CDH23: variants seen among roughly 807,000 people sequenced by gnomAD.
The protein encoded by CDH23 is cadherin related 23, also known as cadherin-23.
A neutral mutation model predicts 317.1 loss-of-function variants in CDH23; 189 were observed. The observed-to-expected ratio is 0.60, with a 90% CI of 0.53 to 0.67. The LOEUF (loss-of-function observed/expected upper bound fraction) is 0.67. Among genes scored for constraint, CDH23 ranks in the 30% least tolerant of loss-of-function variants. The pLI is 0.00. For missense variants in CDH23, 4,401 were observed against 4,592.4 expected (o/e 0.96, Z 1.20); for synonymous variants, 1,839 against 1,876.8 (o/e 0.98, Z 0.52).
intron 11 of CDH23, among the ~76,000 whole-genome samples, chr10:71,632,412 C>T (rs148816730): frequency 5.6e-4 from 85 of 152,296 alleles, no homozygotes; most frequent in Middle Eastern, 3.4e-3. Context: ...AAGTGATGTA[C>T]TCAGAGCTAT....
chr10:71,596,702 A>G (rs895791896), intron 9 of CDH23, among the ~76,000 whole-genome samples: 3 of 152,184 alleles, frequency 2.0e-5, no homozygotes, highest in Admixed American at 2.0e-4. Context: ...TGAGAAGCAG[A>G]TGGGAATGGG....
At chr10:71,469,033 T>A (rs1257521401) in intron 3 of CDH23, among the ~76,000 whole-genome samples, 1 of 152,212 alleles carries the variant, frequency 6.6e-6, no homozygotes, top group Non-Finnish European at 1.5e-5. Flanking sequence ...TCATGCCTCT[T>A]GCGTCCTAAC....
At chr10:71,623,718 C>A (rs117141070) in intron 11 of CDH23, among the ~76,000 whole-genome samples, 1 of 152,132 alleles carries the variant, frequency 6.6e-6, no homozygotes, top group African/African-American at 2.4e-5. Flanking sequence ...GCTGGAGAAC[C>A]CCCAGTTCCA....
At chr10:71,568,938 C>A (rs953757781) in intron 7 of CDH23, among the ~76,000 whole-genome samples, 1 of 152,230 alleles carries the variant, frequency 6.6e-6, no homozygotes, top group African/African-American at 2.4e-5. Flanking sequence ...CAGAGAGGGC[C>A]TGTGCCAGGC....
At chr10:71,761,820 G>GGTCCTGGAACGT (rs750256328) in intron 38 of CDH23, 53 of 1,614,046 alleles carry the variant, frequency 3.3e-5, no homozygotes, top group Admixed American at 1.0e-4. Flanking sequence ...TGCAGGTGAA[G>GGTCCTGGAACGT]GTCCTGGAAC....
intron 11 of CDH23, among the ~76,000 whole-genome samples, chr10:71,622,499 G>A (rs1329959640): frequency 1.3e-5 from 2 of 152,188 alleles, no homozygotes; most frequent in African/African-American, 4.8e-5. Context: ...CGAAGAGTCA[G>A]ACTAGCAGAA....
At chr10:71,585,238 T>C (rs1160443990) in intron 9 of CDH23, among the ~76,000 whole-genome samples, 1 of 152,118 alleles carries the variant, frequency 6.6e-6, no homozygotes, top group African/African-American at 2.4e-5. Context: ...CGTCTGAGTC[T>C]AGGTTTCTCG....
At chr10:71,768,542 C>T (rs1240282266) in intron 38 of CDH23, among the ~76,000 whole-genome samples, 1 of 152,020 alleles carries the variant, frequency 6.6e-6, no homozygotes, top group East Asian at 1.9e-4. Flanking sequence ...ACAATGAGAT[C>T]ATAGCCCACT....
chr10:71,510,746 T>C (rs1326798314), intron 4 of CDH23, among the ~76,000 whole-genome samples: 2 of 152,162 alleles, frequency 1.3e-5, no homozygotes, highest in African/African-American at 2.4e-5. Context: ...TTCTGTCTTT[T>C]ATTGCTCTCT....
intron 8 of CDH23, among the ~76,000 whole-genome samples, chr10:71,574,597 G>A (rs554770668): frequency 7.9e-5 from 12 of 152,248 alleles, no homozygotes; most frequent in Non-Finnish European, 1.6e-4. Flanking sequence ...CCTTAATCCC[G>A]TCATGGAAAT....
intron 6 of CDH23, among the ~76,000 whole-genome samples, chr10:71,519,329 G>A (rs1178981042): frequency 6.6e-6 from 1 of 152,248 alleles, no homozygotes; most frequent in Non-Finnish European, 1.5e-5. Context: ...CTCGCACGCT[G>A]AGTCCATCTG....
intron 14 of CDH23, among the ~76,000 whole-genome samples, chr10:71,659,617 T>C (rs1325130966): frequency 6.6e-6 from 1 of 152,228 alleles, no homozygotes; most frequent in Non-Finnish European, 1.5e-5. Context: ...ACACGGACAC[T>C]TATCTCCAGC....
In CDH23 at chr10:71,707,056, C is replaced by G. The variant is rs748143910; in HGVS notation, c.3106+7C>G. On this transcript the variant is annotated splice_region_variant and intron_variant, in intron 26 of 69. Coordinates refer to ENST00000224721, the MANE Select transcript of CDH23 (RefSeq NM_022124.6). The stretch of plus-strand genomic sequence containing the variant: ...CTCAGCTACTTCATCACAGGTGCTG[C>G]CCCGGCCTCCGCCCACCTGTGCAGG... 4 of 1,596,770 alleles carry G rather than the reference C, an allele frequency of 2.5e-6. No individual in the cohort carries two copies. Among genetic ancestry groups the G allele is most frequent in the Non-Finnish European group, 3.4e-6 (4 of 1,171,950 alleles).
chr10:71,768,169 T>C (rs1840600359), intron 38 of CDH23, among the ~76,000 whole-genome samples: 1 of 152,036 alleles, frequency 6.6e-6, no homozygotes. Flanking sequence ...TTGTTGCTGT[T>C]GTTGTTGTTG....
At chr10:71,589,759 C>G (rs80318991) in intron 9 of CDH23, among the ~76,000 whole-genome samples, 11,172 of 152,310 alleles carry the variant, frequency 0.073, 438 homozygotes, top group Middle Eastern at 0.13. Context: ...CCCTAACATT[C>G]TCCTGCACGT....
chr10:71,701,927 C>A, intron 22 of CDH23, 95 bp from the exon 23 acceptor site: 1 of 1,360,286 alleles, frequency 7.4e-7, no homozygotes, highest in Non-Finnish European at 1.0e-6. Flanking sequence ...TGTCCCCTCC[C>A]CAGGACCAAC....
intron 14 of CDH23, among the ~76,000 whole-genome samples, chr10:71,655,130 G>A (rs1391525577): frequency 3.3e-5 from 5 of 152,118 alleles, no homozygotes; most frequent in African/African-American, 7.2e-5. Context: ...AGAGCAGAAG[G>A]GAAACCTGCA....
At chr10:71,692,810 T>C (rs954601076) in intron 20 of CDH23, among the ~76,000 whole-genome samples, 1 of 152,104 alleles carries the variant, frequency 6.6e-6, no homozygotes, top group African/African-American at 2.4e-5. Flanking sequence ...GTCACACAGC[T>C]CAGGCAATGG....
Position 71,491,516 on chromosome 10 carries a change from G to T in CDH23, c.146-18566G>T, listed in dbSNP as rs565419124. The stretch of plus-strand genomic sequence containing the variant: ...TGTTGAACCAAGGTAGTGGGTGTTG[G>T]TTTGGCCAAGGTGTTTTTGGAGGAG... On this transcript the variant is annotated intron_variant, in intron 3 of 69. Transcript: ENST00000224721. Among the ~76,000 whole-genome samples the T allele has an allele frequency of 3.3e-5, 5 of 152,286 alleles. No homozygotes were observed. In the South Asian group the frequency reaches 1.0e-3, roughly 32 times the overall value.
Sources: allele counts gnomAD v4.1 joint callset (sites outside exome capture counted in the v4.1 genomes callset), GRCh38; gene constraint gnomAD v4.1.1; transcripts MANE v1.5; gene names NCBI Gene and HGNC (gene_info 2026-07-23, HGNC 2026-07-21).